Variants in PLEKHH2 observed in about 807,000 individuals in gnomAD.
PLEKHH2 encodes pleckstrin homology domain-containing family H member 2.
Under a neutral mutation model 187.9 loss-of-function variants are expected in PLEKHH2, and 129 were observed. The observed-to-expected ratio is 0.69, with a 90% CI of 0.59 to 0.79. The LOEUF is 0.79. Among genes scored for constraint, PLEKHH2 ranks in the 30% least tolerant of loss-of-function variants. The pLI is 0.00. For missense variants in PLEKHH2, 2,076 were observed against 1,751.2 expected (o/e 1.19, Z -3.31); for synonymous variants, 686 against 605.6 (o/e 1.13, Z -1.95).
chr2:43,729,598 CTG>C, intron 17 of PLEKHH2, 37 bp from the exon 18 acceptor site: 1 of 1,301,046 alleles, frequency 7.7e-7, no homozygotes, highest in South Asian at 1.5e-5. Flanking sequence ...TTAATCAAAA[CTG>C]TGTCTTAACA....
At chr2:43,695,349 A>G in intron 6 of PLEKHH2, 125 bp downstream of exon 6, 1 of 484,256 alleles carries the variant, frequency 2.1e-6, no homozygotes, top group South Asian at 7.2e-5. Flanking sequence ...AAAATGAAAG[A>G]GAATTACTAA....
chr2:43,701,369 C>G (rs1039833477), intron 8 of PLEKHH2, among the ~76,000 whole-genome samples: 1 of 152,176 alleles, frequency 6.6e-6, no homozygotes, highest in Non-Finnish European at 1.5e-5. Flanking sequence ...CACATTAAGC[C>G]ACTCTTCCTC....
In PLEKHH2 at chr2:43,697,394, T is replaced by A. The variant is rs151204190; in HGVS notation, c.688+38T>A. ...TACAGGAATTGACTTTGGCATTTTT[T>A]AAAAAGGAAGACTCATTTGCTAAGA... On this transcript the variant is annotated intron_variant, in intron 7 of 29. Coordinates refer to ENST00000282406, the MANE Select transcript of PLEKHH2 (RefSeq NM_172069.4). 9.3e-4 allele frequency: 1,405 copies of A among 1,510,222 alleles called. 10 individuals carry two copies. The African/African-American group carries it at 0.015, about 16-fold the overall frequency. 93.6% of individuals were successfully genotyped at this position (1,510,222 alleles called of 1,614,324 possible). A position where few individuals can be genotyped will look rare whatever the true frequency, so the allele number is the denominator to read the frequency against.
chr2:43,717,468 T>G (rs1013305758), intron 15 of PLEKHH2, among the ~76,000 whole-genome samples: 1 of 151,598 alleles, frequency 6.6e-6, no homozygotes, highest in African/African-American at 2.4e-5. Context: ...AGGAGTGTGG[T>G]AAGTGAGAGG....
rs1010747554 is a variant in PLEKHH2, at chr2:43,753,699, T to C, written c.3734T>C (p.Ile1245Thr). 27 of 1,587,214 alleles carry C rather than the reference T, an allele frequency of 1.7e-5. No homozygotes were observed. The East Asian group carries it at 6.2e-4, about 36-fold the overall frequency. ...LLMYQTNDQI[I>T]NGLFPLNKDL... is the part of the protein sequence containing the mutation. The stretch of plus-strand genomic sequence containing the variant: ...ATGTATCAGACAAATGATCAAATCA[T>C]AAATGGACTTTTTCCTCTGAACAAA... Residue 1245 changes from isoleucine (I) to threonine (T), a missense_variant, in exon 25 of 30, where the codon ATA becomes ACA. By Grantham distance (89) the Ile-to-Thr change is moderately conservative (BLOSUM62 -1). Coordinates refer to ENST00000282406, the MANE Select transcript of PLEKHH2 (RefSeq NM_172069.4).
intron 3 of PLEKHH2, among the ~76,000 whole-genome samples, chr2:43,689,110 A>G (rs919564935): frequency 6.6e-5 from 10 of 152,218 alleles, no homozygotes; most frequent in African/African-American, 2.4e-4. Context: ...AACAGTCAAG[A>G]TATTCCAGGG....
At position 43,671,288 on chromosome 2, in the gene PLEKHH2, T is replaced by C. The variant is rs1213603662; in HGVS notation, c.124-7575T>C. On this transcript the variant is annotated intron_variant, in intron 2 of 29. Coordinates refer to ENST00000282406, the MANE Select transcript of PLEKHH2 (RefSeq NM_172069.4). Reference sequence around the variant, plus strand: ...AGGTGTGAGCCACCACACCTGGCCATTTATTGCTCTTATATAGAAATACAA... The same window carrying C: ...AGGTGTGAGCCACCACACCTGGCCACTTATTGCTCTTATATAGAAATACAA... Among the ~76,000 whole-genome samples the C allele has an allele frequency of 2.0e-5, 3 of 152,236 alleles. No individual in the cohort carries two copies. In the East Asian group the frequency reaches 5.8e-4, roughly 29 times the overall value.
chr2:43,692,743 A>G, intron 4 of PLEKHH2, 80 bp downstream of exon 4: 2 of 1,434,566 alleles, frequency 1.4e-6, no homozygotes, highest in Non-Finnish European at 9.6e-7. Flanking sequence ...GAGAGAGCCT[A>G]AATTTCTATA....
At chr2:43,711,269 C>G (rs1430336836) in intron 14 of PLEKHH2, 7 of 985,280 alleles carry the variant, frequency 7.1e-6, no homozygotes, top group Non-Finnish European at 8.4e-6. Flanking sequence ...GGTACATTAT[C>G]AATGTTTCCA....
rs114388280 is a variant in PLEKHH2, at chr2:43,737,942, G to C, written c.2944-399G>C. Among the ~76,000 whole-genome samples, 1,010 of 152,258 alleles carry C rather than the reference G, an allele frequency of 6.6e-3. 15 individuals carry two copies. The highest frequency in any genetic ancestry group is 0.023 in the African/African-American group (969 of 41,554). On this transcript the variant is annotated intron_variant, in intron 19 of 29. Coordinates refer to ENST00000282406, the MANE Select transcript of PLEKHH2 (RefSeq NM_172069.4). ...GTAAAGGAAAGCATGAGCATTTTAAGAAGAGTAAGAGAAGATATTAAAAAG... is the reference window on the plus strand; with the variant it reads ...GTAAAGGAAAGCATGAGCATTTTAACAAGAGTAAGAGAAGATATTAAAAAG...
chr2:43,678,721 C>T (rs1049251852), intron 2 of PLEKHH2, 142 bp from the exon 3 acceptor site: 17 of 465,504 alleles, frequency 3.7e-5, no homozygotes, highest in East Asian at 1.2e-4. Flanking sequence ...AGAGGGAGAC[C>T]GTGGGTAGAG....
intron 23 of PLEKHH2, among the ~76,000 whole-genome samples, chr2:43,744,613 A>T (rs1170712176): frequency 6.6e-6 from 1 of 152,200 alleles, no homozygotes; most frequent in African/African-American, 2.4e-5. Flanking sequence ...TACGCCTGTA[A>T]TCCAAGCACT....
At position 43,729,709 on chromosome 2, in the gene PLEKHH2, C is replaced by G; in HGVS notation, c.2794C>G (p.Leu932Val). The G allele has an allele frequency of 2.5e-6, 4 of 1,608,206 alleles. No individual in the cohort carries two copies. The highest frequency in any genetic ancestry group is 3.4e-6 in the Non-Finnish European group (4 of 1,177,976). ...NVNVGSEFEQ[L>V]VCKLLNIDGE... The stretch of plus-strand genomic sequence containing the variant: ...AAACGTTGGATCTGAATTTGAACAA[C>G]TGGTTTGCAAATTGCTAAATATAGA... Residue 932 changes from leucine (L) to valine (V), a missense_variant, in exon 18 of 30, where the codon CTG becomes GTG. Leu to Val is a conservative substitution (Grantham distance 32). Coordinates refer to ENST00000282406, the MANE Select transcript of PLEKHH2 (RefSeq NM_172069.4).
chr2:43,726,226 A>G (rs1285109169), intron 16 of PLEKHH2, 46 bp from the exon 17 acceptor site: 8 of 1,351,344 alleles, frequency 5.9e-6, no homozygotes, highest in Non-Finnish European at 8.2e-6. Context: ...TTAGTAGGAA[A>G]AGATTTAGAA....
At chr2:43,681,914 A>G (rs554220143) in intron 3 of PLEKHH2, among the ~76,000 whole-genome samples, 2 of 152,284 alleles carry the variant, frequency 1.3e-5, no homozygotes, top group South Asian at 4.1e-4. Flanking sequence ...GATTTTTTTA[A>G]TTATGCTTGA....
intron 14 of PLEKHH2, chr2:43,711,511 G>C (rs1669964285): frequency 2.0e-5 from 19 of 953,486 alleles, no homozygotes; most frequent in Non-Finnish European, 2.4e-5. Flanking sequence ...AGTTGATTTT[G>C]TCATTTGTAT....
At chr2:43,744,859 C>CCCCATCTCAATT in intron 23 of PLEKHH2, among the ~76,000 whole-genome samples, 1 of 123,642 alleles carries the variant, frequency 8.1e-6, no homozygotes, top group Non-Finnish European at 1.6e-5. Flanking sequence ...CAGAGCAAGA[C>CCCCATCTCAATT]TGTCTCACAA....
chr2:43,653,013 TA>T (rs1666565087), intron 2 of PLEKHH2, among the ~76,000 whole-genome samples: 1 of 152,064 alleles, frequency 6.6e-6, no homozygotes, highest in Non-Finnish European at 1.5e-5. Flanking sequence ...TCCTGGGATG[TA>T]AAGCAAAACA....
chr2:43,713,217 C>T lies in PLEKHH2; in HGVS notation c.2460+834C>T, dbSNP rs141210328. ...AGATTTAATTATGAGATGTTCCTCA[C>T]AGCATGTTTTTTTTCCTATTTTAAA... On this transcript the variant is annotated intron_variant, in intron 15 of 29. Transcript: ENST00000282406. Among the ~76,000 whole-genome samples the T allele has an allele frequency of 1.8e-4, 28 of 152,188 alleles. No individual in the cohort carries two copies. The East Asian group carries it at 4.8e-3, about 26-fold the overall frequency.
Sources: gnomAD v4.1 joint callset for allele counts (sites outside exome capture counted in the v4.1 genomes callset) on GRCh38, gnomAD v4.1.1 for gene constraint, MANE v1.5 for transcripts, NCBI Gene and HGNC (gene_info 2026-07-23, HGNC 2026-07-21) for gene names.